Variants in CREM observed in about 807,000 individuals in gnomAD.
CREM encodes cAMP-responsive element modulator.
In CREM, 13 loss-of-function variants were observed where a neutral mutation model predicts 37.3. The ratio of observed to expected loss-of-function variants is 0.35; its 90% CI spans 0.23 to 0.55. The LOEUF (loss-of-function observed/expected upper bound fraction) is 0.55. Ranked by LOEUF, CREM falls within the 20% of genes least tolerant of loss-of-function variation. The pLI, the probability that CREM is intolerant of heterozygous loss-of-function variation, is 0.88. For synonymous variants in CREM, 124 were observed against 120.2 expected (o/e 1.03, Z -0.21); for missense variants, 296 against 362.3 (o/e 0.82, Z 1.49).
At chr10:35,128,526 C>CT (rs35809404) in intron 1 of CREM, among the ~76,000 whole-genome samples, 8,465 of 128,918 alleles carry the variant, frequency 0.066, 931 homozygotes, top group African/African-American at 0.21. Flanking sequence ...TTTTCCTAGT[C>CT]TTTTTTTTTT....
At position 35,137,834 on chromosome 10, in the gene CREM, C is replaced by A. The variant is rs766147627; in HGVS notation, c.-2C>A. 13 of 1,572,662 alleles carry A rather than the reference C, an allele frequency of 8.3e-6. No individual in the cohort carries two copies. In the African/African-American group the frequency reaches 1.8e-4, roughly 21 times the overall value. Reference sequence around the variant, plus strand: ...AAAGCATTGATTACAAATATCTTAACAATGAGCAAATGTGCAAGGAAAAAA... The same window carrying A: ...AAAGCATTGATTACAAATATCTTAAAAATGAGCAAATGTGCAAGGAAAAAA... On this transcript the variant is annotated 5_prime_UTR_variant, in exon 2 of 8. Transcript: ENST00000685392.
At chr10:35,198,274 C>T (rs1255028961) in intron 6 of CREM, among the ~76,000 whole-genome samples, 1 of 152,070 alleles carries the variant, frequency 6.6e-6, no homozygotes, top group Non-Finnish European at 1.5e-5. Flanking sequence ...TCTGTAATCC[C>T]AGCACTTTGG....
chr10:35,163,984 A>AC (rs2093418507), intron 3 of CREM, among the ~76,000 whole-genome samples: 1 of 152,042 alleles, frequency 6.6e-6, no homozygotes, highest in Non-Finnish European at 1.5e-5. Flanking sequence ...CAAAAAAAAA[A>AC]AAACAAAAAA....
At position 35,211,967 on chromosome 10, in the gene CREM, A is replaced by G. The variant is rs2095670210; in HGVS notation, c.*569A>G. 2 of 607,176 alleles carry G rather than the reference A, an allele frequency of 3.3e-6. No individual in the cohort carries two copies. Among genetic ancestry groups the G allele is most frequent in the African/African-American group, 1.9e-5 (1 of 52,258 alleles). The allele number at this position is 607,176 out of a possible 1,614,324, so 37.6% of individuals were successfully genotyped here. On this transcript the variant is annotated 3_prime_UTR_variant, in exon 8 of 8. Transcript: ENST00000685392. The stretch of plus-strand genomic sequence containing the variant: ...CACTGTACGTAGTTAAGTCGTAGCT[A>G]TAACTTCAAATTTTTTAAAAGAGAC...
At chr10:35,194,901 CATTATT>C (rs113909710) in intron 6 of CREM, among the ~76,000 whole-genome samples, 115 of 149,686 alleles carry the variant, frequency 7.7e-4, no homozygotes, top group Non-Finnish European at 9.5e-4. Context: ...CTAAAAGAGA[CATTATT>C]ATTATTATTA....
Position 35,207,512 on chromosome 10 carries a change from C to T in CREM, c.755+461C>T, listed in dbSNP as rs112084794. 6.3e-3 allele frequency among the ~76,000 whole-genome samples: 941 copies of T among 149,336 alleles called. 12 individuals carry two copies. The highest frequency in any genetic ancestry group is 0.022 in the African/African-American group (891 of 40,662). ...AGTTTTCAGCTGGGCGCAGTGGCTC[C>T]CGCCTGTAATCCCAGCACTTTGGGA... On this transcript the variant is annotated intron_variant, in intron 7 of 7. Transcript: ENST00000685392.
chr10:35,129,688 G>C (rs2045915), intron 1 of CREM, among the ~76,000 whole-genome samples: 56,280 of 151,964 alleles, frequency 0.37, 10,568 homozygotes, highest in African/African-American at 0.43. Context: ...ATAGCTGAAC[G>C]ATTGAGAGAC....
chr10:35,144,257 C>T (rs2091807484), intron 2 of CREM, among the ~76,000 whole-genome samples: 1 of 152,156 alleles, frequency 6.6e-6, no homozygotes, highest in African/African-American at 2.4e-5. Context: ...CTCCCTAAGG[C>T]TCAACGCCTC....
At position 35,188,181 on chromosome 10, in the gene CREM, C is replaced by A. The variant is rs201813738; in HGVS notation, c.410-19C>A. 9.4e-6 allele frequency: 15 copies of A among 1,593,526 alleles called. No homozygotes were observed. Among genetic ancestry groups the A allele is most frequent in the African/African-American group, 2.7e-5 (2 of 73,670 alleles). On this transcript the variant is annotated intron_variant, in intron 5 of 7. Coordinates refer to ENST00000685392, the MANE Select transcript of CREM (RefSeq NM_183011.2). ...TAAATCTTGAAATTCTCTAATATTT[C>A]TTTTCTTTTTCTGTTAAGTTGCTAT...
At chr10:35,206,180 G>A (rs1385076353) in intron 6 of CREM, among the ~76,000 whole-genome samples, 20 of 151,630 alleles carry the variant, frequency 1.3e-4, no homozygotes, top group African/African-American at 4.1e-4. Context: ...CCCAGGAGGC[G>A]GAGCTTGCAG....
At chr10:35,176,495 C>T (rs574866273) in intron 3 of CREM, among the ~76,000 whole-genome samples, 1 of 151,296 alleles carries the variant, frequency 6.6e-6, no homozygotes, top group Non-Finnish European at 1.5e-5. Context: ...GCAAGCTCCA[C>T]CTCCCGGGTT....
chr10:35,148,275 G>A (rs2092318934), intron 2 of CREM, 93 bp from the exon 3 acceptor site: 1 of 1,288,440 alleles, frequency 7.8e-7, no homozygotes, highest in African/African-American at 1.5e-5. Context: ...GAGCATTTCA[G>A]ATTTTGGATT....
intron 6 of CREM, chr10:35,195,922 T>G (rs997029085): frequency 2.7e-6 from 2 of 742,896 alleles, no homozygotes; most frequent in African/African-American, 3.5e-5. Flanking sequence ...GCTGACAGAT[T>G]TAGAGTTAAC....
chr10:35,208,444 TG>T (rs751534591), intron 7 of CREM, among the ~76,000 whole-genome samples: 2 of 152,240 alleles, frequency 1.3e-5, no homozygotes, highest in East Asian at 1.9e-4. Flanking sequence ...GTTTTTATTA[TG>T]AATAATGGTG....
intron 3 of CREM, among the ~76,000 whole-genome samples, chr10:35,163,844 A>C (rs748619565): frequency 8.5e-5 from 13 of 152,118 alleles, no homozygotes; most frequent in South Asian, 2.1e-4. Flanking sequence ...AACAAACAAA[A>C]AAAAACAATT....
chr10:35,138,560 A>C (rs541754153), intron 2 of CREM, among the ~76,000 whole-genome samples: 1 of 144,332 alleles, frequency 6.9e-6, no homozygotes, highest in Non-Finnish European at 1.5e-5. Flanking sequence ...ACAGAGTCTC[A>C]CTGTTACCCA....
intron 5 of CREM, among the ~76,000 whole-genome samples, chr10:35,182,901 A>G (rs926752473): frequency 3.3e-5 from 5 of 152,350 alleles, no homozygotes; most frequent in African/African-American, 1.2e-4. Context: ...AGATGGCGGG[A>G]GAGAGACAGC....
At chr10:35,196,235 T>C in intron 6 of CREM, 2 of 727,874 alleles carry the variant, frequency 2.7e-6, no homozygotes, top group Non-Finnish European at 2.2e-6. Flanking sequence ...GATTCAGAGC[T>C]CCTCTAGTGT....
At position 35,163,800 on chromosome 10, in the gene CREM, G is replaced by A. The variant is rs529167097; in HGVS notation, c.169-15089G>A. Among the ~76,000 whole-genome samples, 10 of 151,826 alleles carry A rather than the reference G, an allele frequency of 6.6e-5. No homozygotes were observed. In the East Asian group the frequency reaches 9.7e-4, roughly 15 times the overall value. On this transcript the variant is annotated intron_variant, in intron 3 of 7. Coordinates refer to ENST00000685392, the MANE Select transcript of CREM (RefSeq NM_183011.2). The stretch of plus-strand genomic sequence containing the variant: ...CACACCACTGCGCTCCAGCCTGGGC[G>A]ACAAGAGTGAAACTCCGTCTCCAAA...
Sources: allele counts gnomAD v4.1 joint callset (sites outside exome capture counted in the v4.1 genomes callset), GRCh38; gene constraint gnomAD v4.1.1; transcripts MANE v1.5; gene names NCBI Gene and HGNC (gene_info 2026-07-23, HGNC 2026-07-21).